STPG4: variants seen among roughly 807,000 people sequenced by gnomAD.
The protein encoded by STPG4 is protein STPG4.
In STPG4, 41 loss-of-function variants were observed where a neutral mutation model predicts 31.5. The ratio of observed to expected loss-of-function variants is 1.30; its 90% confidence interval spans 1.01 to 1.69. The LOEUF (loss-of-function observed/expected upper bound fraction) is 1.69, where lower values mean the gene tolerates loss of function less well. Ranked by LOEUF, STPG4 falls within the 40% of genes most tolerant of loss-of-function variation. The probability of loss-of-function intolerance (pLI) is 0.00; values close to 1 mark genes in which losing one functional copy is unlikely to be tolerated. For synonymous variants in STPG4, 141 were observed against 103.0 expected, an observed-to-expected ratio of 1.37 and a Z score of -2.24; for missense variants, 375 against 293.4, an observed-to-expected ratio of 1.28 and a Z score of -2.03.
At chr2:47,140,172 C>T (rs769566636) in intron 3 of STPG4, among the ~76,000 whole-genome samples, 1 of 152,148 alleles carries the variant, frequency 6.6e-6, no homozygotes, top group Non-Finnish European at 1.5e-5. Flanking sequence ...ATTTTCTCAG[C>T]TACCTCCTCA....
At chr2:47,114,806 C>T (rs1363345585) in intron 5 of STPG4, among the ~76,000 whole-genome samples, 5 of 152,028 alleles carry the variant, frequency 3.3e-5, no homozygotes, top group Non-Finnish European at 5.9e-5. Flanking sequence ...CTTGCTCTGT[C>T]ACCCAGGCTG....
At chr2:47,095,659 A>T (rs2103731237) in intron 5 of STPG4, among the ~76,000 whole-genome samples, 1 of 152,302 alleles carries the variant, frequency 6.6e-6, no homozygotes, top group Non-Finnish European at 1.5e-5. Context: ...ATGGGCTGGA[A>T]GCTGGGAATA....
At chr2:47,090,862 T>G (rs1462992685) in intron 5 of STPG4, among the ~76,000 whole-genome samples, 1 of 151,532 alleles carries the variant, frequency 6.6e-6, no homozygotes, top group Non-Finnish European at 1.5e-5. Flanking sequence ...CACAATGCTA[T>G]GAGATAAACA....
intron 2 of STPG4, among the ~76,000 whole-genome samples, chr2:47,152,057 C>T (rs1249538774): frequency 6.6e-6 from 1 of 152,088 alleles, no homozygotes; most frequent in Non-Finnish European, 1.5e-5. Context: ...GCCACCAGGC[C>T]CGGCCGAAAT....
chr2:47,155,148 C>T (rs749931138), intron 1 of STPG4, 23 bp downstream of exon 1: 6 of 1,611,822 alleles, frequency 3.7e-6, no homozygotes, highest in South Asian at 1.1e-5. Context: ...GGAGCCAGGC[C>T]GGCAAGGGGC....
chr2:47,110,066 A>G (rs1485095695), intron 5 of STPG4, among the ~76,000 whole-genome samples: 11 of 150,164 alleles, frequency 7.3e-5, no homozygotes, highest in African/African-American at 2.3e-4. Flanking sequence ...TTTTGTTCCC[A>G]CTATCAGGAA....
At chr2:47,136,650 G>A (rs892058506) in intron 3 of STPG4, among the ~76,000 whole-genome samples, 1 of 152,108 alleles carries the variant, frequency 6.6e-6, no homozygotes, top group Non-Finnish European at 1.5e-5. Flanking sequence ...TTTGACACAC[G>A]TAGTTTGAGA....
intron 5 of STPG4, among the ~76,000 whole-genome samples, chr2:47,106,965 C>T (rs1443474806): frequency 6.6e-6 from 1 of 152,008 alleles, no homozygotes; most frequent in Non-Finnish European, 1.5e-5. Flanking sequence ...CTTCCACTGG[C>T]CTAGAGACCT....
chr2:47,127,162 G>A (rs1267484550), intron 5 of STPG4, among the ~76,000 whole-genome samples: 1 of 149,340 alleles, frequency 6.7e-6, no homozygotes, highest in Non-Finnish European at 1.5e-5. Context: ...CCGTTTTGAG[G>A]CTATTTTATA....
chr2:47,133,568 A>ATT (rs1347133934), intron 3 of STPG4, among the ~76,000 whole-genome samples: 1 of 36,320 alleles, frequency 2.8e-5, no homozygotes, highest in African/African-American at 6.0e-5. Flanking sequence ...AGGCACTCAA[A>ATT]TCTTTTTTTT....
chr2:47,128,025 C>G (rs1686399021), intron 5 of STPG4, among the ~76,000 whole-genome samples: 1 of 152,150 alleles, frequency 6.6e-6, no homozygotes, highest in Admixed American at 6.5e-5. Flanking sequence ...TGTAATCTGT[C>G]TTTGGTCACC....
chr2:47,102,055 A>G (rs1685812496), intron 5 of STPG4, among the ~76,000 whole-genome samples: 1 of 151,708 alleles, frequency 6.6e-6, no homozygotes, highest in African/African-American at 2.4e-5. Flanking sequence ...ACTAAATCCA[A>G]CCTTCTTTGG....
intron 5 of STPG4, among the ~76,000 whole-genome samples, chr2:47,091,118 G>C (rs900714460): frequency 6.7e-6 from 1 of 150,262 alleles, no homozygotes; most frequent in African/African-American, 2.5e-5. Context: ...AAGGAAGAAA[G>C]GGAGGGAGAA....
chr2:47,141,555 C>G (rs548906551), intron 3 of STPG4, among the ~76,000 whole-genome samples: 1 of 121,896 alleles, frequency 8.2e-6, no homozygotes, highest in Admixed American at 8.6e-5. Context: ...GAAGTCCTGC[C>G]TCAAAAAAAA....
chr2:47,152,023 A>G (rs1386704396), intron 2 of STPG4, among the ~76,000 whole-genome samples: 1 of 151,452 alleles, frequency 6.6e-6, no homozygotes, highest in South Asian at 2.1e-4. Flanking sequence ...TTGGCATCCC[A>G]AAGTGCTGGG....
chr2:47,151,187 G>C, intron 3 of STPG4, 71 bp downstream of exon 3: 2 of 1,551,940 alleles, frequency 1.3e-6, no homozygotes, highest in South Asian at 1.2e-5. Context: ...TATACTCTAC[G>C]TATAAAAATA....
chr2:47,115,400 G>A (rs981380486), intron 5 of STPG4, among the ~76,000 whole-genome samples: 5 of 152,018 alleles, frequency 3.3e-5, no homozygotes, highest in Non-Finnish European at 5.9e-5. Flanking sequence ...ATCACCAGCG[G>A]CATCTTTTAA....
intron 3 of STPG4, among the ~76,000 whole-genome samples, chr2:47,136,315 T>C (rs1686594088): frequency 6.6e-6 from 1 of 152,054 alleles, no homozygotes. Context: ...CCAGCTAATT[T>C]TTTGTATTTT....
intron 5 of STPG4, 71 bp downstream of exon 5, chr2:47,129,870 T>G: frequency 6.3e-7 from 1 of 1,585,342 alleles, no homozygotes; most frequent in Non-Finnish European, 8.6e-7. Flanking sequence ...GCCACCTTGC[T>G]CCACTCCAGA....
Sources: gnomAD v4.1 joint callset for allele counts (sites outside exome capture counted in the v4.1 genomes callset) on GRCh38, gnomAD v4.1.1 for gene constraint, MANE v1.5 for transcripts, NCBI Gene and HGNC (gene_info 2026-07-23, HGNC 2026-07-21) for gene names.